The following GRIK5 variants were observed in gnomAD, a reference collection of about 807,000 sequenced individuals.
GRIK5 encodes the protein glutamate receptor ionotropic, kainate 5.
GRIK5 carries 43 observed loss-of-function variants against 97.4 expected under a neutral mutation model. That is an observed-to-expected ratio of 0.44 (90% confidence interval 0.35 to 0.57). The LOEUF is 0.57. Among genes scored for constraint, GRIK5 ranks in the 20% least tolerant of loss-of-function variants. The probability of loss-of-function intolerance (pLI) is 0.01; values close to 1 mark genes in which losing one functional copy is unlikely to be tolerated. For synonymous variants in GRIK5, 580 were observed against 583.5 expected, an observed-to-expected ratio of 0.99 and a Z score of 0.09; for missense variants, 1,015 against 1,382.0, an observed-to-expected ratio of 0.73 and a Z score of 4.21.
At chr19:42,012,718 T>G (rs1216762066) in intron 15 of GRIK5, among the ~76,000 whole-genome samples, 1 of 151,360 alleles carries the variant, frequency 6.6e-6, no homozygotes. Context: ...CTACAAAAAG[T>G]TAGCCAGACT....
chr19:42,066,042 G>T (rs1364320652), intron 1 of GRIK5, among the ~76,000 whole-genome samples: 1 of 152,136 alleles, frequency 6.6e-6, no homozygotes, highest in African/African-American at 2.4e-5. Context: ...AGGTCACAGT[G>T]CTCAGGCGCT....
chr19:42,023,099 G>A (rs529874250), intron 12 of GRIK5, among the ~76,000 whole-genome samples: 8 of 152,066 alleles, frequency 5.3e-5, no homozygotes, highest in Non-Finnish European at 8.8e-5. Context: ...CAAAATCCAC[G>A]GTCAAAGAGA....
chr19:42,069,629 C>T lies in GRIK5; in HGVS notation c.-439G>A, dbSNP rs1406122489. On this transcript the variant is annotated 5_prime_UTR_variant, in exon 1 of 20. Coordinates refer to ENST00000593562, the MANE Select transcript of GRIK5 (RefSeq NM_002088.5). ...AGCTGGCCCAGGAAAGGGCCCCCGC[C>T]CCCTCCCCTAGCCGGGCCGGCCTGG... 1 of 150,652 alleles carries T rather than the reference C, an allele frequency of 6.6e-6. No individual in the cohort carries two copies. Among genetic ancestry groups the T allele is most frequent in the African/African-American group, 2.4e-5 (1 of 40,932 alleles). 9.3% of individuals were successfully genotyped at this position (150,652 alleles called of 1,614,324 possible).
intron 15 of GRIK5, among the ~76,000 whole-genome samples, chr19:42,009,518 A>C (rs1410198100): frequency 6.6e-6 from 1 of 151,916 alleles, no homozygotes; most frequent in African/African-American, 2.4e-5. Context: ...CTGTAATCCC[A>C]GCACTTTGGG....
At position 41,999,218 on chromosome 19, in the gene GRIK5, G is replaced by T; in HGVS notation, c.2596C>A (p.Arg866Ser). The change falls in exon 20 of 20, where the codon CGC (arginine) becomes AGC (serine). Residue 866 changes from arginine (R) to serine (S), a missense_variant. Around this residue, in one of 5 missense-constraint regions of GRIK5, gnomAD observed 229 missense variants for 341.0 expected, o/e 0.67. Transcript: ENST00000593562. This position sits in a 1 kb window ranked among gnomAD's most constrained non-coding sequence, Gnocchi z 5.0. ...AGGGCCCGGCTCGGGCCGCCCGGGC[G>T]TCGGCGCCGGCGGGAACGCGACGTC... ...RKTSRSRRRR[R>S]PGGPSRALLS... is the part of the protein sequence containing the mutation. 2.0e-6 allele frequency: 3 copies of T among 1,519,184 alleles called. No individual in the cohort carries two copies. The highest frequency in any genetic ancestry group is 1.2e-5 in the South Asian group (1 of 83,066). The allele number at this position is 1,519,184 out of a possible 1,614,324, so 94.1% of individuals were successfully genotyped here. A position where few individuals can be genotyped will look rare whatever the true frequency, so the allele number is the denominator to read the frequency against.
intron 1 of GRIK5, among the ~76,000 whole-genome samples, chr19:42,067,100 C>T (rs1464039946): frequency 6.6e-6 from 1 of 152,240 alleles, no homozygotes; most frequent in African/African-American, 2.4e-5. Flanking sequence ...TGGCTGAGGG[C>T]TGTGCCCCAC....
intron 11 of GRIK5, among the ~76,000 whole-genome samples, chr19:42,047,511 C>T (rs769073583): frequency 2.0e-4 from 30 of 152,138 alleles, no homozygotes; most frequent in Non-Finnish European, 2.9e-4. Context: ...GTATTTAAGA[C>T]ACTGCAGTAC....
In GRIK5 at chr19:42,022,125, C is replaced by G; in HGVS notation, c.1588-69G>C. ...GCCTCACACCCAGCCCCTGCCCTACCAGGGACCTGGGAGCCTGACCGGCCC... is the reference window on the plus strand; with the variant it reads ...GCCTCACACCCAGCCCCTGCCCTACGAGGGACCTGGGAGCCTGACCGGCCC... On this transcript the variant is annotated intron_variant, in intron 13 of 19. Coordinates refer to ENST00000593562, the MANE Select transcript of GRIK5 (RefSeq NM_002088.5). The surrounding 1 kb of genome is among the most constrained non-coding windows in gnomAD (Gnocchi z 4.2). 1 of 1,415,758 alleles carries G rather than the reference C, an allele frequency of 7.1e-7. No homozygotes were observed. Among genetic ancestry groups the G allele is most frequent in the Non-Finnish European group, 9.9e-7 (1 of 1,011,950 alleles). 87.7% of individuals were successfully genotyped at this position (1,415,758 alleles called of 1,614,324 possible). A position where few individuals can be genotyped will look rare whatever the true frequency, so the allele number is the denominator to read the frequency against.
intron 12 of GRIK5, among the ~76,000 whole-genome samples, chr19:42,027,005 C>T (rs1568899654): frequency 3.9e-5 from 6 of 152,104 alleles, no homozygotes; most frequent in Non-Finnish European, 1.5e-5. Context: ...CAAAACGTCC[C>T]GCACCATCCA....
chr19:42,026,104 GCC>G (rs2075768353), intron 12 of GRIK5, among the ~76,000 whole-genome samples: 1 of 152,078 alleles, frequency 6.6e-6, no homozygotes, highest in African/African-American at 2.4e-5. Context: ...TCCCACCTCA[GCC>G]TCCTGAGTAG....
At position 42,053,774 on chromosome 19, in the gene GRIK5, GC is replaced by G. The variant is rs761400640; in HGVS notation, c.1161+50del. 6.5e-6 allele frequency: 10 copies of G among 1,543,968 alleles called. No homozygotes were observed. In the South Asian group the frequency reaches 8.9e-5, roughly 14 times the overall value. Reference sequence around the variant, plus strand: ...TGAGGTCATGGCAGCCTCTGGGCCCGCCCCCACCCTCACCCCAGCAGGGCTC... The same window carrying G: ...TGAGGTCATGGCAGCCTCTGGGCCCGCCCCACCCTCACCCCAGCAGGGCTC... On this transcript the variant is annotated intron_variant, in intron 10 of 19. Transcript: ENST00000593562.
Position 41,999,611 on chromosome 19 carries a change from T to G in GRIK5, c.2515-312A>C, listed in dbSNP as rs971843881. Among the ~76,000 whole-genome samples, 1 of 152,246 alleles carries G rather than the reference T, an allele frequency of 6.6e-6. No individual in the cohort carries two copies. Among genetic ancestry groups the G allele is most frequent in the Non-Finnish European group, 1.5e-5 (1 of 68,042 alleles). On this transcript the variant is annotated intron_variant, in intron 19 of 19. Coordinates refer to ENST00000593562, the MANE Select transcript of GRIK5 (RefSeq NM_002088.5). The surrounding 1 kb of genome is among the most constrained non-coding windows in gnomAD (Gnocchi z 5.0). Reference sequence around the variant, plus strand: ...TCTCTAAATTTTCTCCAGTTCTTCCTTCCTGATTTCCCATCTTCTGCCCCT... The same window carrying G: ...TCTCTAAATTTTCTCCAGTTCTTCCGTCCTGATTTCCCATCTTCTGCCCCT...
At chr19:42,061,552 T>G (rs1179068860) in intron 5 of GRIK5, among the ~76,000 whole-genome samples, 1 of 152,160 alleles carries the variant, frequency 6.6e-6, no homozygotes, top group African/African-American at 2.4e-5. Context: ...TCAAGCTCCA[T>G]ACCCACAAAT....
At chr19:42,058,807 C>T (rs1406286149) in intron 6 of GRIK5, among the ~76,000 whole-genome samples, 1 of 131,358 alleles carries the variant, frequency 7.6e-6, no homozygotes, top group African/African-American at 2.9e-5. Flanking sequence ...GCCTGGGCGA[C>T]AGAGCAAGAC....
At chr19:42,044,843 G>A (rs752292189) in intron 11 of GRIK5, among the ~76,000 whole-genome samples, 12 of 152,174 alleles carry the variant, frequency 7.9e-5, no homozygotes, top group Admixed American at 4.6e-4. Flanking sequence ...TCAGCTACTC[G>A]GGAGGCTGAG....
At chr19:42,026,905 A>G (rs892587130) in intron 12 of GRIK5, among the ~76,000 whole-genome samples, 8 of 151,980 alleles carry the variant, frequency 5.3e-5, no homozygotes, top group African/African-American at 1.4e-4. Flanking sequence ...GCCTCACCCG[A>G]CCCAATGAGG....
At chr19:42,028,136 G>T in intron 12 of GRIK5, among the ~76,000 whole-genome samples, 1 of 152,102 alleles carries the variant, frequency 6.6e-6, no homozygotes, top group African/African-American at 2.4e-5. Context: ...CATGGTAAAA[G>T]ACCTATTCCT....
chr19:42,001,099 A>C (rs2075419557), intron 19 of GRIK5, among the ~76,000 whole-genome samples: 1 of 152,074 alleles, frequency 6.6e-6, no homozygotes, highest in African/African-American at 2.4e-5. Context: ...CCTGACCTAA[A>C]TCAACCCGGG....
At chr19:42,043,452 C>A (rs1224105662) in intron 11 of GRIK5, among the ~76,000 whole-genome samples, 1 of 140,672 alleles carries the variant, frequency 7.1e-6, no homozygotes, top group East Asian at 2.1e-4. Flanking sequence ...GTCACCCAGG[C>A]TGGAGTGCAG....
Sources: allele counts gnomAD v4.1 joint callset (sites outside exome capture counted in the v4.1 genomes callset), GRCh38; gene constraint gnomAD v4.1.1; regional missense constraint gnomAD v4.1.1; non-coding constraint Gnocchi (gnomAD v3.1); transcripts MANE v1.5; gene names NCBI Gene and HGNC (gene_info 2026-07-23, HGNC 2026-07-21).